TBC1D12: variants seen among roughly 807,000 people sequenced by gnomAD.
TBC1D12 encodes TBC1 domain family, member 12.
In TBC1D12, 56 loss-of-function variants were observed where a neutral mutation model predicts 86.7. The observed-to-expected ratio is 0.65, with a 90% confidence interval of 0.52 to 0.81. The LOEUF is 0.81. TBC1D12 is among the 30% of genes least tolerant of loss of function. TBC1D12 has a pLI of 0.00. For missense variants in TBC1D12, 1,023 were observed against 1,038.8 expected (o/e 0.98, Z 0.21); for synonymous variants, 421 against 411.7 (o/e 1.02, Z -0.27).
intron 6 of TBC1D12, among the ~76,000 whole-genome samples, chr10:94,504,759 A>T (rs1313142582): frequency 3.3e-5 from 5 of 152,224 alleles, no homozygotes; most frequent in Non-Finnish European, 7.4e-5. Flanking sequence ...TCTAACAGTT[A>T]TTTGTGATAA....
chr10:94,485,384 T>C (rs2056145132), intron 3 of TBC1D12, among the ~76,000 whole-genome samples: 1 of 152,196 alleles, frequency 6.6e-6, no homozygotes, highest in South Asian at 2.1e-4. Context: ...TGTATCACAC[T>C]GATTGATTTG....
chr10:94,435,887 A>G (rs1378361139), intron 1 of TBC1D12, among the ~76,000 whole-genome samples: 2 of 152,166 alleles, frequency 1.3e-5, no homozygotes, highest in Non-Finnish European at 2.9e-5. Context: ...TTTCTTTCAC[A>G]TTGCTAGCCG....
chr10:94,426,166 T>G (rs546785694), intron 1 of TBC1D12, among the ~76,000 whole-genome samples: 4 of 152,302 alleles, frequency 2.6e-5, no homozygotes, highest in African/African-American at 7.2e-5. Context: ...CTTGTCTTAT[T>G]GCATTGGCTA....
chr10:94,528,343 T>C (rs959992623), intron 11 of TBC1D12, among the ~76,000 whole-genome samples: 6 of 152,218 alleles, frequency 3.9e-5, no homozygotes, highest in Admixed American at 2.0e-4. Context: ...CTATTATTAA[T>C]GTATCCAGTT....
intron 4 of TBC1D12, among the ~76,000 whole-genome samples, chr10:94,494,264 T>C (rs563238885): frequency 6.6e-6 from 1 of 152,298 alleles, no homozygotes; most frequent in South Asian, 2.1e-4. Context: ...TTAGAAGATA[T>C]TACACAGCTG....
chr10:94,499,144 G>A (rs986642869), intron 5 of TBC1D12, among the ~76,000 whole-genome samples: 3 of 152,126 alleles, frequency 2.0e-5, no homozygotes, highest in Admixed American at 1.3e-4. Context: ...ATCAGCTCAC[G>A]TATTTCTCAG....
At chr10:94,446,584 C>G (rs2055465493) in intron 2 of TBC1D12, among the ~76,000 whole-genome samples, 1 of 151,880 alleles carries the variant, frequency 6.6e-6, no homozygotes, top group East Asian at 1.9e-4. Context: ...GAATGTGGGG[C>G]TCACTATGTT....
At chr10:94,467,894 T>G (rs2055848225) in intron 2 of TBC1D12, among the ~76,000 whole-genome samples, 1 of 152,214 alleles carries the variant, frequency 6.6e-6, no homozygotes. Flanking sequence ...ACCTACAGTT[T>G]TATTCAGCAT....
rs183134695 is a variant in TBC1D12, at chr10:94,462,357, G to T, written c.1096-12311G>T. Among the ~76,000 whole-genome samples, 9 of 152,158 alleles carry T rather than the reference G, an allele frequency of 5.9e-5. No homozygotes were observed. In the East Asian group the frequency reaches 1.4e-3, roughly 23 times the overall value. Reference sequence around the variant, plus strand: ...GACCTAAATGTAAATATTGTGAGGGGCTTTCCTGTGAAATACAGGATATTT... The same window carrying T: ...GACCTAAATGTAAATATTGTGAGGGTCTTTCCTGTGAAATACAGGATATTT... On this transcript the variant is annotated intron_variant, in intron 2 of 12. Coordinates refer to ENST00000225235, the MANE Select transcript of TBC1D12 (RefSeq NM_015188.2).
intron 9 of TBC1D12, among the ~76,000 whole-genome samples, chr10:94,516,357 G>GA (rs905298271): frequency 4.6e-5 from 7 of 151,562 alleles, no homozygotes; most frequent in African/African-American, 1.5e-4. Flanking sequence ...CTACATAAAT[G>GA]AAAAAAACAA....
In TBC1D12 at chr10:94,493,405, C is replaced by T. The variant is rs756095451; in HGVS notation, c.1252C>T (p.Arg418Ter). The change falls in exon 4 of 13, where the codon CGA becomes TGA. Residue 418 changes from arginine (R) to a stop codon, truncating the protein, a stop_gained. Transcript: ENST00000225235. LOFTEE classifies it high-confidence loss of function. ...ATCTGTGGAAGAAGCTTTACGTCAC[C>T]GACAAGAATACGATGAGATGGTGGC... ...AKSVEEALRH[R>*]QEYDEMVAEA... 13 of 1,611,882 alleles carry T rather than the reference C, an allele frequency of 8.1e-6. No individual in the cohort carries two copies. Among genetic ancestry groups the T allele is most frequent in the Middle Eastern group, 1.6e-4 (1 of 6,074 alleles).
chr10:94,421,254 T>C (rs891191168), intron 1 of TBC1D12, among the ~76,000 whole-genome samples: 2 of 152,210 alleles, frequency 1.3e-5, no homozygotes, highest in Admixed American at 6.5e-5. Context: ...TTTTTTAGAT[T>C]CCAAATATAA....
chr10:94,420,365 A>T (rs545150924), intron 1 of TBC1D12, among the ~76,000 whole-genome samples: 1 of 152,318 alleles, frequency 6.6e-6, no homozygotes. Context: ...CAAGTCGATG[A>T]TATTTTGTTA....
intron 3 of TBC1D12, among the ~76,000 whole-genome samples, chr10:94,488,386 C>CTTTTTTTTTTT (rs770258959): frequency 1.3e-5 from 1 of 74,794 alleles, no homozygotes; most frequent in African/African-American, 5.5e-5. Context: ...CCCAAGGGGT[C>CTTTTTTTTTTT]TTTTTTTTTT....
At position 94,409,374 on chromosome 10, in the gene TBC1D12, C is replaced by CTTT. The variant is rs71306819; in HGVS notation, c.971+5808_971+5810dup. 1.5e-4 allele frequency among the ~76,000 whole-genome samples: 19 copies of CTTT among 125,390 alleles called. 1 individual carries two copies. The highest frequency in any genetic ancestry group is 6.9e-4 in the East Asian group (3 of 4,322). 82.3% of individuals were successfully genotyped at this position (125,390 alleles called of 152,430 possible). On this transcript the variant is annotated intron_variant, in intron 1 of 12. Transcript: ENST00000225235. ...ACTTTGAAGTGCTAAATTAAATTAA[C>CTTT]TTTTTTTTTTTTTTTTTTTTGAGAC...
chr10:94,461,236 C>A (rs1485798094), intron 2 of TBC1D12, among the ~76,000 whole-genome samples: 1 of 152,148 alleles, frequency 6.6e-6, no homozygotes, highest in African/African-American at 2.4e-5. Flanking sequence ...ATTCTATAGT[C>A]CTATGATTGG....
chr10:94,443,030 G>A (rs1589618625), intron 2 of TBC1D12, among the ~76,000 whole-genome samples: 1 of 151,948 alleles, frequency 6.6e-6, no homozygotes, highest in Non-Finnish European at 1.5e-5. Flanking sequence ...TATGCTTTTA[G>A]AACCCATATT....
intron 9 of TBC1D12, among the ~76,000 whole-genome samples, chr10:94,521,574 A>G (rs2134223545): frequency 6.6e-6 from 1 of 152,304 alleles, no homozygotes; most frequent in East Asian, 1.9e-4. Context: ...TTTTACTCAG[A>G]TGTGTTATAA....
intron 9 of TBC1D12, among the ~76,000 whole-genome samples, chr10:94,514,717 G>A (rs1241816691): frequency 6.6e-6 from 1 of 152,124 alleles, no homozygotes; most frequent in Non-Finnish European, 1.5e-5. Context: ...GAGTAGTGCT[G>A]TAATGAACAT....
Sources: gnomAD v4.1 joint callset for allele counts (sites outside exome capture counted in the v4.1 genomes callset) on GRCh38, gnomAD v4.1.1 for gene constraint, MANE v1.5 for transcripts, NCBI Gene and HGNC (gene_info 2026-07-23, HGNC 2026-07-21) for gene names.